COP1: variants seen among roughly 807,000 people sequenced by gnomAD.
COP1 encodes the protein COP1 E3 ubiquitin ligase.
A neutral mutation model predicts 101.3 loss-of-function variants in COP1; 24 were observed. The ratio of observed to expected loss-of-function variants is 0.24; its 90% CI spans 0.17 to 0.33. COP1 has a LOEUF of 0.33. COP1 is among the 10% of genes least tolerant of loss of function. COP1 has a pLI of 1.00. For missense variants in COP1, 663 were observed against 906.2 expected, an observed-to-expected ratio of 0.73 and a Z score of 3.45; for synonymous variants, 347 against 341.9, an observed-to-expected ratio of 1.01 and a Z score of -0.17.
intron 11 of COP1, among the ~76,000 whole-genome samples, chr1:176,074,179 G>A (rs1367624276): frequency 1.3e-5 from 2 of 152,018 alleles, no homozygotes; most frequent in East Asian, 1.9e-4. Context: ...TGCCTGCCTC[G>A]GCCCCGCAAA....
In COP1 at chr1:176,207,038, C is replaced by CG. The variant is rs1700937846; in HGVS notation, c.-61dup. 6 of 1,295,320 alleles carry CG rather than the reference C, an allele frequency of 4.6e-6. No individual in the cohort carries two copies. The highest frequency in any genetic ancestry group is 5.9e-6 in the Non-Finnish European group (6 of 1,011,328). The allele number at this position is 1,295,320 out of a possible 1,614,324, so 80.2% of individuals were successfully genotyped here. On this transcript the variant is annotated 5_prime_UTR_variant, in exon 1 of 20. Transcript: ENST00000367669. ...GAGAGGGACCGCGACCTCGACCCTC[C>CG]GCCGCCTCCCCTCCCCTCAGCCTCA...
rs766920083 is a variant in COP1 at position 175,987,083 on chromosome 1, A to G, written c.1993T>C (p.Tyr665His). 3 of 1,513,290 alleles carry G rather than the reference A, an allele frequency of 2.0e-6. No individual in the cohort carries two copies. The South Asian group carries it at 3.7e-5, about 18-fold the overall frequency. 93.7% of individuals were successfully genotyped at this position (1,513,290 alleles called of 1,614,324 possible). A position where few individuals can be genotyped will look rare whatever the true frequency, so the allele number is the denominator to read the frequency against. The change falls in exon 18 of 20, where the codon TAC (tyrosine) becomes CAC (histidine). Residue 665 changes from tyrosine to histidine, a missense_variant. This residue lies in a region of COP1 where 209 missense variants were observed against 383.3 expected (regional missense o/e 0.55). Transcript: ENST00000367669. ...TTAGAAAGTCCTTTATAGTACAGGT[A>G]GAGAGAGTTATTTTCACTTCCTGAA... ...IACGSENNSL[Y>H]LYYKGLSKTL...
intron 6 of COP1, among the ~76,000 whole-genome samples, chr1:176,141,871 C>T (rs1690741597): frequency 6.6e-6 from 1 of 151,966 alleles, no homozygotes; most frequent in African/African-American, 2.4e-5. Context: ...GCGGGGACTA[C>T]AGGCACACGC....
chr1:176,100,310 A>G, intron 9 of COP1: 1 of 182,488 alleles, frequency 5.5e-6, no homozygotes, highest in South Asian at 7.5e-5. Context: ...AATCGCTTGT[A>G]CCTGGGAGGT....
At chr1:175,983,259 T>G (rs1270286602) in intron 18 of COP1, among the ~76,000 whole-genome samples, 1 of 152,208 alleles carries the variant, frequency 6.6e-6, no homozygotes, top group East Asian at 1.9e-4. Context: ...AATTCCCATA[T>G]GTTGTGGAAG....
chr1:176,185,201 T>C (rs778378297), intron 1 of COP1, among the ~76,000 whole-genome samples: 5 of 152,150 alleles, frequency 3.3e-5, no homozygotes, highest in African/African-American at 4.8e-5. Context: ...TAAAACAAAC[T>C]ATACACATTA....
chr1:176,138,409 T>C (rs1690133683), intron 6 of COP1, among the ~76,000 whole-genome samples: 1 of 152,002 alleles, frequency 6.6e-6, no homozygotes, highest in South Asian at 2.1e-4. Context: ...AAATCAAGGG[T>C]TAAAAGAGTG....
At chr1:176,108,033 ATT>A (rs66995652) in intron 9 of COP1, among the ~76,000 whole-genome samples, 2,006 of 148,310 alleles carry the variant, frequency 0.014, 30 homozygotes, top group Admixed American at 0.05. Flanking sequence ...CCTGGACCAG[ATT>A]TTTTTTTTTT....
intron 18 of COP1, among the ~76,000 whole-genome samples, chr1:175,983,424 T>C (rs1656349767): frequency 6.6e-6 from 1 of 152,212 alleles, no homozygotes; most frequent in Admixed American, 6.5e-5. Context: ...AGACATGCCT[T>C]TCACCTTCCG....
At chr1:176,098,775 G>A (rs1396638043) in intron 9 of COP1, among the ~76,000 whole-genome samples, 4 of 152,116 alleles carry the variant, frequency 2.6e-5, no homozygotes, top group South Asian at 4.1e-4. Context: ...ATAACATCAA[G>A]TGTTTTAAAC....
At chr1:175,986,819 T>C (rs895784798) in intron 18 of COP1, 124 bp downstream of exon 18, 1 of 672,974 alleles carries the variant, frequency 1.5e-6, no homozygotes, top group East Asian at 2.9e-5. Context: ...TGGTGACACA[T>C]TACAAAGTTT....
intron 11 of COP1, among the ~76,000 whole-genome samples, chr1:176,051,426 T>C: frequency 1.3e-5 from 2 of 152,334 alleles, no homozygotes; most frequent in Middle Eastern, 3.4e-3. Flanking sequence ...GAGAAGATGG[T>C]GTGAACAAAC....
At chr1:176,076,496 A>T (rs1193481322) in intron 11 of COP1, among the ~76,000 whole-genome samples, 1 of 152,164 alleles carries the variant, frequency 6.6e-6, no homozygotes, top group Non-Finnish European at 1.5e-5. Context: ...AATTTATAGC[A>T]CTAAAAATGC....
At chr1:175,969,313 A>G (rs1652778289) in intron 18 of COP1, among the ~76,000 whole-genome samples, 1 of 152,174 alleles carries the variant, frequency 6.6e-6, no homozygotes, top group Admixed American at 6.5e-5. Context: ...TCACCTTGGT[A>G]TTTGAAAAAA....
intron 14 of COP1, among the ~76,000 whole-genome samples, chr1:176,038,018 C>T (rs552778366): frequency 1.1e-4 from 16 of 152,120 alleles, no homozygotes; most frequent in Non-Finnish European, 1.9e-4. Flanking sequence ...TTGCAGATGA[C>T]GTAATTGGCT....
At chr1:176,095,961 T>C (rs542103814) in intron 9 of COP1, among the ~76,000 whole-genome samples, 7 of 152,312 alleles carry the variant, frequency 4.6e-5, no homozygotes, top group Non-Finnish European at 7.3e-5. Flanking sequence ...ATGTATACCT[T>C]TTTACTATTC....
chr1:176,091,932 A>G (rs1352555320), intron 9 of COP1, among the ~76,000 whole-genome samples: 1 of 152,174 alleles, frequency 6.6e-6, no homozygotes, highest in Non-Finnish European at 1.5e-5. Flanking sequence ...AATTAGAATA[A>G]CATGAAAGAA....
At chr1:175,980,253 G>A (rs879530758) in intron 18 of COP1, among the ~76,000 whole-genome samples, 16,236 of 151,658 alleles carry the variant, frequency 0.11, 963 homozygotes, top group Middle Eastern at 0.16. Flanking sequence ...TTTTTTTGAG[G>A]AGTCTGGAGG....
chr1:176,147,476 G>A (rs1347025081), intron 6 of COP1, among the ~76,000 whole-genome samples: 3 of 151,998 alleles, frequency 2.0e-5, no homozygotes, highest in Non-Finnish European at 4.4e-5. Flanking sequence ...AAACCAAAAT[G>A]TATTAATGAC....
Sources: gnomAD v4.1 joint callset for allele counts (sites outside exome capture counted in the v4.1 genomes callset) on GRCh38, gnomAD v4.1.1 for gene constraint, gnomAD v4.1.1 regional missense constraint, MANE v1.5 for transcripts, NCBI Gene and HGNC (gene_info 2026-07-23, HGNC 2026-07-21) for gene names.